GLDC: variants seen among roughly 807,000 people sequenced by gnomAD.
The protein encoded by GLDC is glycine decarboxylase.
Under a neutral mutation model 121.3 loss-of-function variants are expected in GLDC, and 104 were observed. That is an observed-to-expected ratio of 0.86 (90% confidence interval 0.73 to 1.01). GLDC has a LOEUF of 1.01. Ranked by LOEUF, GLDC falls within the 50% of genes least tolerant of loss-of-function variation. GLDC has a pLI of 0.00. For synonymous variants in GLDC, 546 were observed against 480.6 expected (o/e 1.14, Z -1.78); for missense variants, 1,429 against 1,306.6 (o/e 1.09, Z -1.44).
intron 16 of GLDC, among the ~76,000 whole-genome samples, chr9:6,561,053 C>T (rs770662567): frequency 6.6e-6 from 1 of 152,202 alleles, no homozygotes; most frequent in East Asian, 1.9e-4. Flanking sequence ...CTGTCTCCCC[C>T]AGAAGGAATC....
chr9:6,629,929 C>CTATATATATATATGTATATATATATA (rs60994714), intron 2 of GLDC, among the ~76,000 whole-genome samples: 19 of 102,128 alleles, frequency 1.9e-4, no homozygotes, highest in South Asian at 1.6e-3. Context: ...TTGCTTTTCA[C>CTATATATATATATGTATATATATATA]TATATATATA....
rs374138776 is a variant in GLDC, at chr9:6,595,117, G to A, written c.1158C>T (p.Ala386=). The A allele has an allele frequency of 3.8e-6, 6 of 1,599,420 alleles. No homozygotes were observed. The African/African-American group carries it at 6.7e-5, about 18-fold the overall frequency. The part of the protein sequence containing the change: ...KATSNICTAQ[A]LLANMAAMFA... ...ACATGGCAGCCATATTCGCCAAGAG[G>A]GCCTAAAAGATAAGAACATTTAAAG... The change falls in exon 9 of 25, where the codon GCC becomes GCT. Residue 386 remains alanine, a splice_region_variant and synonymous_variant. Transcript: ENST00000321612.
At chr9:6,624,409 A>G (rs2129964830) in intron 2 of GLDC, among the ~76,000 whole-genome samples, 1 of 152,338 alleles carries the variant, frequency 6.6e-6, no homozygotes, top group South Asian at 2.1e-4. Context: ...GAAGAATGCC[A>G]TGTGATGATG....
chr9:6,601,831 A>G (rs1445998981), intron 8 of GLDC, among the ~76,000 whole-genome samples: 2 of 152,262 alleles, frequency 1.3e-5, no homozygotes, highest in African/African-American at 2.4e-5. Flanking sequence ...GTGTTTCGCC[A>G]TGTCGCCCAG....
intron 18 of GLDC, among the ~76,000 whole-genome samples, chr9:6,555,346 T>A (rs2129722668): frequency 6.6e-6 from 1 of 152,254 alleles, no homozygotes; most frequent in South Asian, 2.1e-4. Context: ...TCCCACCACT[T>A]GGGTGTTAGG....
At chr9:6,573,962 C>G (rs1818013992) in intron 15 of GLDC, among the ~76,000 whole-genome samples, 1 of 152,202 alleles carries the variant, frequency 6.6e-6, no homozygotes. Context: ...GTCTCAAGTA[C>G]CCTAACGTTA....
intron 22 of GLDC, among the ~76,000 whole-genome samples, chr9:6,538,687 T>C (rs1302943500): frequency 6.6e-6 from 1 of 152,220 alleles, no homozygotes; most frequent in African/African-American, 2.4e-5. Flanking sequence ...CACTGGGTGG[T>C]GACTTCAGTT....
intron 4 of GLDC, among the ~76,000 whole-genome samples, chr9:6,608,644 G>T (rs1354575166): frequency 6.6e-6 from 1 of 151,794 alleles, no homozygotes; most frequent in Non-Finnish European, 1.5e-5. Context: ...TACTTGGAAG[G>T]CTGAGGCAGG....
chr9:6,609,663 G>C (rs1818809216), intron 4 of GLDC, among the ~76,000 whole-genome samples: 1 of 150,026 alleles, frequency 6.7e-6, no homozygotes, highest in South Asian at 2.1e-4. Flanking sequence ...ACTCCTAATT[G>C]AGCTTCCCCC....
At chr9:6,583,935 C>G (rs902650295) in intron 15 of GLDC, among the ~76,000 whole-genome samples, 2 of 152,164 alleles carry the variant, frequency 1.3e-5, no homozygotes, top group Non-Finnish European at 2.9e-5. Flanking sequence ...TCAAAAAGCT[C>G]TCAGACGGAT....
At position 6,554,737 on chromosome 9, in the gene GLDC, G is replaced by C. The variant is rs1817584366; in HGVS notation, c.2247C>G (p.His749Gln). 2 of 1,613,564 alleles carry C rather than the reference G, an allele frequency of 1.2e-6. No homozygotes were observed. Among genetic ancestry groups the C allele is most frequent in the Non-Finnish European group, 1.7e-6 (2 of 1,179,966 alleles). The change falls in exon 19 of 25, where the codon CAC (histidine) becomes CAG (glutamine). Residue 749 changes from histidine to glutamine, a missense_variant. By Grantham distance (24) the His-to-Gln change is conservative (BLOSUM62 0). Transcript: ENST00000321612. ...TGCAGAAGGTCTTGTGAAGATTTAG[G>C]TGCGAGACATCAGACCCGAAGTCTC... Reference protein sequence around the residue: ...RPGDFGSDVSHLNLHKTFCIP... With the variant: ...RPGDFGSDVSQLNLHKTFCIP...
chr9:6,544,433 C>G (rs1427510382), intron 21 of GLDC, among the ~76,000 whole-genome samples: 1 of 152,080 alleles, frequency 6.6e-6, no homozygotes. Context: ...GACCTGAGGT[C>G]AAGATTTCAA....
At chr9:6,612,195 TCACACA>T (rs33945262) in intron 3 of GLDC, among the ~76,000 whole-genome samples, 1 of 150,374 alleles carries the variant, frequency 6.7e-6, no homozygotes, top group East Asian at 2.0e-4. Flanking sequence ...ACTCACTCTC[TCACACA>T]CACACACAAA....
At chr9:6,600,779 C>G (rs956743380) in intron 8 of GLDC, among the ~76,000 whole-genome samples, 1 of 152,114 alleles carries the variant, frequency 6.6e-6, no homozygotes, top group African/African-American at 2.4e-5. Flanking sequence ...CTGGGTTTCA[C>G]AAACACTTCG....
At chr9:6,541,752 G>A (rs1817264290) in intron 21 of GLDC, 1 of 146,054 alleles carries the variant, frequency 6.8e-6, no homozygotes, top group Non-Finnish European at 1.5e-5. Flanking sequence ...GCTTGAACCT[G>A]GAAGGTGGTG....
chr9:6,577,627 C>T (rs1287878383), intron 15 of GLDC, among the ~76,000 whole-genome samples: 1 of 152,146 alleles, frequency 6.6e-6, no homozygotes, highest in African/African-American at 2.4e-5. Flanking sequence ...GTAAAATCAC[C>T]TGATATTCTA....
chr9:6,607,774 T>C (rs1017771079), intron 4 of GLDC, among the ~76,000 whole-genome samples: 1 of 151,646 alleles, frequency 6.6e-6, no homozygotes, highest in Admixed American at 6.6e-5. Context: ...ACCCCGCCCC[T>C]ACATAGTTGG....
rs767055450 is a variant in GLDC at position 6,587,237 on chromosome 9, A to G, written c.1754T>C (p.Leu585Pro). 5.3e-5 allele frequency: 85 copies of G among 1,613,984 alleles called. No individual in the cohort carries two copies. The highest frequency in any genetic ancestry group is 6.6e-5 in the Non-Finnish European group (78 of 1,179,940). Residue 585 changes from leucine to proline, a missense_variant, in exon 15 of 25, where the codon CTG (leucine) becomes CCG (proline). By Grantham distance (98) the Leu-to-Pro change is moderately conservative (BLOSUM62 -3). Coordinates refer to ENST00000321612, the MANE Select transcript of GLDC (RefSeq NM_000170.3). ...CTGCTGATATCCTTGAGCTTGATCCAGAGGCACAAAGGGGTGGATGTTTGC... is the reference window on the plus strand; with the variant it reads ...CTGCTGATATCCTTGAGCTTGATCCGGAGGCACAAAGGGGTGGATGTTTGC... ...EFANIHPFVP[L>P]DQAQGYQQLF...
intron 11 of GLDC, among the ~76,000 whole-genome samples, chr9:6,589,716 T>C (rs912528729): frequency 1.3e-5 from 2 of 152,140 alleles, no homozygotes; most frequent in Non-Finnish European, 2.9e-5. Context: ...CATGGGCCAC[T>C]GAGCCTGGCC....
Sources: gnomAD v4.1 joint callset for allele counts (sites outside exome capture counted in the v4.1 genomes callset) on GRCh38, gnomAD v4.1.1 for gene constraint, MANE v1.5 for transcripts, NCBI Gene and HGNC (gene_info 2026-07-23, HGNC 2026-07-21) for gene names.